MMP26: variants seen among roughly 807,000 people sequenced by gnomAD.
MMP26 encodes the protein matrix metalloproteinase-26.
In MMP26, 33 loss-of-function variants were observed where a neutral mutation model predicts 31.0. The observed-to-expected ratio is 1.06, with a 90% CI of 0.81 to 1.42. The LOEUF is 1.42. Among genes scored for constraint, MMP26 ranks in the 40% most tolerant of loss-of-function variants. The pLI is 0.00. For synonymous variants in MMP26, 122 were observed against 114.9 expected (o/e 1.06, Z -0.40); for missense variants, 347 against 316.1 (o/e 1.10, Z -0.74).
intron 2 of MMP26, among the ~76,000 whole-genome samples, chr11:4,878,651 T>G (rs571010341): frequency 6.6e-6 from 1 of 152,168 alleles, no homozygotes; most frequent in Non-Finnish European, 1.5e-5. Flanking sequence ...ATGGTGACAC[T>G]TAATATATAT....
chr11:4,807,455 A>C (rs569991031), intron 2 of MMP26, among the ~76,000 whole-genome samples: 18 of 152,210 alleles, frequency 1.2e-4, no homozygotes, highest in African/African-American at 1.9e-4. Flanking sequence ...GGATGAATTC[A>C]TGTCCTTTGC....
chr11:4,915,099 C>T, intron 2 of MMP26: 1 of 1,614,086 alleles, frequency 6.2e-7, no homozygotes, highest in Non-Finnish European at 8.5e-7. Flanking sequence ...AATTTCATCA[C>T]TTCTTGGTGG....
At chr11:4,758,212 C>A (rs919629944) in intron 1 of MMP26, among the ~76,000 whole-genome samples, 2 of 151,998 alleles carry the variant, frequency 1.3e-5, no homozygotes, top group Admixed American at 6.6e-5. Flanking sequence ...TATGGATGCA[C>A]CTCAAATATG....
chr11:4,734,716 C>T (rs1848214142), intron 1 of MMP26, among the ~76,000 whole-genome samples: 1 of 128,950 alleles, frequency 7.8e-6, no homozygotes, highest in African/African-American at 3.1e-5. Flanking sequence ...TAATTTCTAA[C>T]TTAATTCCCC....
At chr11:4,977,620 C>A (rs548084938) in intron 2 of MMP26, among the ~76,000 whole-genome samples, 3 of 152,080 alleles carry the variant, frequency 2.0e-5, no homozygotes, top group Non-Finnish European at 4.4e-5. Flanking sequence ...GCAGTTCAAC[C>A]GTTGCACACT....
chr11:4,836,067 G>T lies in MMP26; in HGVS notation c.-145+68726G>T, dbSNP rs115076580. Among the ~76,000 whole-genome samples, 1,150 of 151,992 alleles carry T rather than the reference G, an allele frequency of 7.6e-3. 21 individuals are homozygous for T. The highest frequency in any genetic ancestry group is 0.026 in the African/African-American group (1,099 of 41,484). ...GTTAATGAAACACTTATACACTCTT[G>T]CATGTGAAAACTTACCGTTAATGTT... is the stretch of plus-strand genomic sequence containing the variant. On this transcript the variant is annotated intron_variant, in intron 2 of 7. Coordinates refer to ENST00000380390, the MANE Select transcript of MMP26 (RefSeq NM_021801.5).
intron 2 of MMP26, among the ~76,000 whole-genome samples, chr11:4,987,407 GT>G (rs573931771): frequency 0.025 from 3,594 of 142,428 alleles, 149 homozygotes; most frequent in African/African-American, 0.098. Flanking sequence ...GTTTTTTGTG[GT>G]TTTTTTTTGT....
intron 2 of MMP26, among the ~76,000 whole-genome samples, chr11:4,981,734 T>C (rs1846816225): frequency 6.6e-6 from 1 of 152,146 alleles, no homozygotes; most frequent in South Asian, 2.1e-4. Context: ...TAACAGCACT[T>C]AGCTTAAACA....
At chr11:4,852,659 AG>A (rs1016619019) in intron 2 of MMP26, among the ~76,000 whole-genome samples, 1 of 152,200 alleles carries the variant, frequency 6.6e-6, no homozygotes, top group African/African-American at 2.4e-5. Context: ...ATAGTATAAA[AG>A]TTCTTCAAAA....
intron 2 of MMP26, among the ~76,000 whole-genome samples, chr11:4,784,939 A>G (rs1263034240): frequency 1.3e-5 from 2 of 152,242 alleles, no homozygotes; most frequent in Non-Finnish European, 2.9e-5. Context: ...AAGATGGTGG[A>G]AAGAGAAGAT....
chr11:4,922,221 ACTT>A (rs1851196263), intron 2 of MMP26, among the ~76,000 whole-genome samples: 1 of 152,092 alleles, frequency 6.6e-6, no homozygotes, highest in South Asian at 2.1e-4. Flanking sequence ...AGTTAAATTT[ACTT>A]CTTCTTCATG....
chr11:4,805,844 G>A (rs1057009401), intron 2 of MMP26, among the ~76,000 whole-genome samples: 1 of 151,882 alleles, frequency 6.6e-6, no homozygotes, highest in South Asian at 2.1e-4. Flanking sequence ...GAGTTTTTTG[G>A]TGATCACTAT....
chr11:4,906,478 T>C (rs1007825917), intron 2 of MMP26, among the ~76,000 whole-genome samples: 35 of 152,264 alleles, frequency 2.3e-4, no homozygotes, highest in African/African-American at 7.5e-4. Context: ...TAACACTTGA[T>C]GTAACATGTA....
At chr11:4,731,054 C>T (rs1000677174) in intron 1 of MMP26, among the ~76,000 whole-genome samples, 3 of 152,162 alleles carry the variant, frequency 2.0e-5, no homozygotes, top group African/African-American at 7.2e-5. Context: ...AAGTGATTCT[C>T]CTGCCTCAGC....
chr11:4,838,615 T>C (rs1849753343), intron 2 of MMP26, among the ~76,000 whole-genome samples: 1 of 152,086 alleles, frequency 6.6e-6, no homozygotes, highest in Non-Finnish European at 1.5e-5. Context: ...CCATGGAACA[T>C]TATGATTATG....
chr11:4,709,362 C>G (rs1273739313), intron 1 of MMP26, among the ~76,000 whole-genome samples: 1 of 152,124 alleles, frequency 6.6e-6, no homozygotes, highest in African/African-American at 2.4e-5. Flanking sequence ...TTTCTTTACA[C>G]AATTTAGTGT....
At position 4,952,809 on chromosome 11, in the gene MMP26, G is replaced by A. The variant is rs201106153; in HGVS notation, c.-144-35259G>A. ...GCCTAAAAATACCTGGAAGCACATC[G>A]TGCATGTATTAGAGGTTTGAAAGCA... is the stretch of plus-strand genomic sequence containing the variant. On this transcript the variant is annotated intron_variant, in intron 2 of 7. Coordinates refer to ENST00000380390, the MANE Select transcript of MMP26 (RefSeq NM_021801.5). Among the ~76,000 whole-genome samples the A allele has an allele frequency of 3.2e-5, 4 of 125,136 alleles. 1 individual carries two copies. The highest frequency in any genetic ancestry group is 4.5e-4 in the East Asian group (2 of 4,432). The allele number at this position is 125,136 out of a possible 152,430, so 82.1% of individuals were successfully genotyped here. A position where few individuals can be genotyped will look rare whatever the true frequency, so the allele number is the denominator to read the frequency against.
At chr11:4,915,331 G>A in intron 2 of MMP26, 2 of 1,613,952 alleles carry the variant, frequency 1.2e-6, no homozygotes, top group Non-Finnish European at 1.7e-6. Flanking sequence ...GGAAGGAGAA[G>A]CAGTGAATGA....
intron 2 of MMP26, among the ~76,000 whole-genome samples, chr11:4,826,283 TTTC>T (rs1464490015): frequency 6.6e-6 from 1 of 152,084 alleles, no homozygotes; most frequent in Admixed American, 6.6e-5. Context: ...GTATAATGCG[TTTC>T]CATGTGTGGC....
Sources: gnomAD v4.1 joint callset for allele counts (sites outside exome capture counted in the v4.1 genomes callset) on GRCh38, gnomAD v4.1.1 for gene constraint, MANE v1.5 for transcripts, NCBI Gene and HGNC (gene_info 2026-07-23, HGNC 2026-07-21) for gene names.